SPAG16: variants seen among roughly 807,000 people sequenced by gnomAD.
SPAG16 encodes the protein sperm-associated antigen 16 protein.
SPAG16 carries 86 observed loss-of-function variants against 80.4 expected under a neutral mutation model. The observed-to-expected ratio is 1.07, with a 90% CI of 0.90 to 1.28. The LOEUF is 1.28. Among genes scored for constraint, SPAG16 ranks in the 50% most tolerant of loss-of-function variants. SPAG16 has a pLI of 0.00. For synonymous variants in SPAG16, 294 were observed against 265.9 expected (o/e 1.11, Z -1.03); for missense variants, 870 against 765.3 (o/e 1.14, Z -1.61).
chr2:213,460,809 T>C (rs184712464), intron 9 of SPAG16, among the ~76,000 whole-genome samples: 1 of 152,302 alleles, frequency 6.6e-6, no homozygotes, highest in Admixed American at 6.5e-5. Context: ...AGCCACTAAA[T>C]CTTTCACACT....
In SPAG16 at chr2:213,877,671, G is replaced by A. The variant is rs115746723; in HGVS notation, c.1214+15043G>A. On this transcript the variant is annotated intron_variant, in intron 11 of 15. Transcript: ENST00000331683. The stretch of plus-strand genomic sequence containing the variant: ...CTCTACTGGGTTGTGAACTTAGGGA[G>A]AGGATGAGGATACCATAATATCCAC... Among the ~76,000 whole-genome samples, 1,284 of 152,242 alleles carry A rather than the reference G, an allele frequency of 8.4e-3. 15 individuals are homozygous for A. The highest frequency in any genetic ancestry group is 0.029 in the African/African-American group (1,200 of 41,546).
At chr2:213,308,951 C>A (rs2063069551) in intron 3 of SPAG16, among the ~76,000 whole-genome samples, 1 of 152,106 alleles carries the variant, frequency 6.6e-6, no homozygotes, top group Non-Finnish European at 1.5e-5. Context: ...TCTCTTGGGG[C>A]TGGGACCCAG....
At chr2:213,801,563 T>C (rs79907925) in intron 10 of SPAG16, among the ~76,000 whole-genome samples, 250 of 152,296 alleles carry the variant, frequency 1.6e-3, no homozygotes, top group African/African-American at 5.9e-3. Context: ...AACAAATGTC[T>C]TCCAAGCCAA....
chr2:213,850,566 G>A (rs973076286), intron 10 of SPAG16, among the ~76,000 whole-genome samples: 3 of 152,194 alleles, frequency 2.0e-5, no homozygotes, highest in African/African-American at 7.2e-5. Context: ...TTCTTCTTTC[G>A]AGTACAGGGC....
At chr2:213,605,497 T>TA (rs969780674) in intron 10 of SPAG16, among the ~76,000 whole-genome samples, 82 of 151,212 alleles carry the variant, frequency 5.4e-4, no homozygotes, top group African/African-American at 1.6e-3. Flanking sequence ...CAAAAATATA[T>TA]TTTTTTTTTG....
intron 15 of SPAG16, among the ~76,000 whole-genome samples, chr2:214,298,153 CACAT>C (rs370098344): frequency 2.1e-3 from 85 of 40,678 alleles, no homozygotes; most frequent in South Asian, 0.018. Flanking sequence ...CACACACACA[CACAT>C]ATACACACAC....
chr2:213,818,056 C>A (rs1205022492), intron 10 of SPAG16, among the ~76,000 whole-genome samples: 2 of 152,146 alleles, frequency 1.3e-5, no homozygotes, highest in Admixed American at 1.3e-4. Context: ...TCTTCCCCAT[C>A]CCCAAGCATA....
chr2:213,940,539 C>T (rs1463832937), intron 12 of SPAG16, among the ~76,000 whole-genome samples: 1 of 152,154 alleles, frequency 6.6e-6, no homozygotes, highest in Non-Finnish European at 1.5e-5. Flanking sequence ...AATTGATCCT[C>T]CTGCCTTATT....
intron 15 of SPAG16, among the ~76,000 whole-genome samples, chr2:214,271,075 A>G (rs1300964810): frequency 6.6e-6 from 1 of 152,226 alleles, no homozygotes; most frequent in Non-Finnish European, 1.5e-5. Context: ...TCTTAATTTA[A>G]GCAGTAAATT....
chr2:214,046,708 GA>G (rs2049344317), intron 13 of SPAG16, among the ~76,000 whole-genome samples: 1 of 151,990 alleles, frequency 6.6e-6, no homozygotes, highest in Non-Finnish European at 1.5e-5. Flanking sequence ...ACAAGAGAAC[GA>G]AATAAAAAAT....
In SPAG16 at chr2:213,762,650, A is replaced by T. The variant is rs115152103; in HGVS notation, c.1071-99835A>T. Among the ~76,000 whole-genome samples, 1,015 of 152,286 alleles carry T rather than the reference A, an allele frequency of 6.7e-3. 8 individuals are homozygous for T. Among genetic ancestry groups the T allele is most frequent in the African/African-American group, 0.024 (984 of 41,558 alleles). On this transcript the variant is annotated intron_variant, in intron 10 of 15. Coordinates refer to ENST00000331683, the MANE Select transcript of SPAG16 (RefSeq NM_024532.5). ...TACACAAAAATAAACAGTACTAAAA[A>T]TTTTAACAAAGACCTGAAACTATAA...
intron 15 of SPAG16, among the ~76,000 whole-genome samples, chr2:214,191,241 A>C (rs565520185): frequency 6.6e-6 from 1 of 152,260 alleles, no homozygotes; most frequent in East Asian, 1.9e-4. Flanking sequence ...AGGCACAGCC[A>C]CTTTCAATAA....
chr2:214,264,017 G>A (rs1460759147), intron 15 of SPAG16, among the ~76,000 whole-genome samples: 1 of 152,050 alleles, frequency 6.6e-6, no homozygotes, highest in Non-Finnish European at 1.5e-5. Context: ...AGCACAAAGT[G>A]GCATCTACCA....
chr2:213,848,420 T>A (rs899700331), intron 10 of SPAG16, among the ~76,000 whole-genome samples: 8 of 152,222 alleles, frequency 5.3e-5, no homozygotes, highest in African/African-American at 1.7e-4. Flanking sequence ...TGTTGCTTGG[T>A]TTTCTTAATT....
At position 213,434,360 on chromosome 2, in the gene SPAG16, A is replaced by C. The variant is rs139210209; in HGVS notation, c.943-55603A>C. On this transcript the variant is annotated intron_variant, in intron 9 of 15. Coordinates refer to ENST00000331683, the MANE Select transcript of SPAG16 (RefSeq NM_024532.5). ...CTTAAATATAAGACCTGATACTATT[A>C]AAATACTAGAAAAAGACCTAGGAAA... is the stretch of plus-strand genomic sequence containing the variant. Among the ~76,000 whole-genome samples, 412 of 152,358 alleles carry C rather than the reference A, an allele frequency of 2.7e-3. 1 individual carries two copies. Among genetic ancestry groups the C allele is most frequent in the African/African-American group, 8.5e-3 (354 of 41,572 alleles).
At chr2:214,004,788 G>A (rs897111056) in intron 12 of SPAG16, among the ~76,000 whole-genome samples, 2 of 151,980 alleles carry the variant, frequency 1.3e-5, no homozygotes, top group Admixed American at 6.6e-5. Context: ...TTTCATGTTC[G>A]CTGACAGCCT....
chr2:214,180,946 T>G (rs1299579860), intron 15 of SPAG16, among the ~76,000 whole-genome samples: 2 of 151,780 alleles, frequency 1.3e-5, no homozygotes, highest in Non-Finnish European at 2.9e-5. Context: ...ATTACAAACT[T>G]CTGTTGTCTC....
intron 15 of SPAG16, among the ~76,000 whole-genome samples, chr2:214,157,487 T>C (rs1249714157): frequency 6.6e-6 from 1 of 152,082 alleles, no homozygotes; most frequent in Non-Finnish European, 1.5e-5. Flanking sequence ...CCAGCAAGTA[T>C]GGAAAATAAC....
At chr2:214,355,775 A>T (rs199529611) in intron 15 of SPAG16, among the ~76,000 whole-genome samples, 1 of 151,986 alleles carries the variant, frequency 6.6e-6, no homozygotes, top group Non-Finnish European at 1.5e-5. Flanking sequence ...AACTAACCCA[A>T]ATGTCCAACA....
Sources: allele counts gnomAD v4.1 joint callset (sites outside exome capture counted in the v4.1 genomes callset), GRCh38; gene constraint gnomAD v4.1.1; transcripts MANE v1.5; gene names NCBI Gene and HGNC (gene_info 2026-07-23, HGNC 2026-07-21).